Variants in MARK2 observed in about 807,000 individuals in gnomAD.
The protein encoded by MARK2 is serine/threonine-protein kinase MARK2.
MARK2 carries 16 observed loss-of-function variants against 89.8 expected under a neutral mutation model. That is an observed-to-expected ratio of 0.18 (90% CI 0.12 to 0.27). The LOEUF is 0.27. MARK2 is among the 10% of genes least tolerant of loss of function. MARK2 has a pLI of 1.00. For synonymous variants in MARK2, 382 were observed against 399.5 expected, an observed-to-expected ratio of 0.96 and a Z score of 0.52; for missense variants, 621 against 1,049.9, an observed-to-expected ratio of 0.59 and a Z score of 5.65.
chr11:63,886,554 G>C (rs935253252), intron 1 of MARK2, among the ~76,000 whole-genome samples: 1 of 152,142 alleles, frequency 6.6e-6, no homozygotes, highest in South Asian at 2.1e-4. Flanking sequence ...CCTCCGAGTA[G>C]CTGGGATTAC....
chr11:63,876,686 T>G (rs1223608537), intron 1 of MARK2, among the ~76,000 whole-genome samples: 1 of 148,696 alleles, frequency 6.7e-6, no homozygotes, highest in East Asian at 2.1e-4. Flanking sequence ...ATTTGTTGGG[T>G]AGGAGCTGTA....
rs1249094624 is a variant in MARK2, at chr11:63,906,067, TTTTTTTGTTTG to T, written c.1935-14_1935-4del. On this transcript the variant is annotated splice_polypyrimidine_tract_variant and intron_variant, in intron 16 of 18. Coordinates refer to ENST00000402010, the MANE Select transcript of MARK2 (RefSeq NM_001039469.3). ...TTTTATTTCTTTTTTTATTTTGTCT[TTTTTTTGTTTG>T]TTTTTTTAGAAATCTGTCTTTCAGG... The T allele has an allele frequency of 7.4e-7, 1 of 1,356,946 alleles. No homozygotes were observed. The highest frequency in any genetic ancestry group is 1.5e-5 in the African/African-American group (1 of 66,890). 84.1% of individuals were successfully genotyped at this position (1,356,946 alleles called of 1,614,324 possible). A position where few individuals can be genotyped will look rare whatever the true frequency, so the allele number is the denominator to read the frequency against.
intron 1 of MARK2, among the ~76,000 whole-genome samples, chr11:63,862,330 A>G (rs1013596603): frequency 6.6e-6 from 1 of 152,238 alleles, no homozygotes; most frequent in Non-Finnish European, 1.5e-5. Flanking sequence ...CAGGTGGTCC[A>G]GAGTATGTCA....
chr11:63,890,949 C>G (rs1355409312), intron 1 of MARK2, among the ~76,000 whole-genome samples: 1 of 152,194 alleles, frequency 6.6e-6, no homozygotes, highest in Non-Finnish European at 1.5e-5. Flanking sequence ...GCACAGATGT[C>G]TGGCAGTATT....
In MARK2 at chr11:63,902,993, TG is replaced by T; in HGVS notation, c.1417-62del. ...GGACAGGAAGCCTGTTCCATGAACCTGGGGGGAGAACCTGGCTGTAGACCAC... is the reference window on the plus strand; with the variant it reads ...GGACAGGAAGCCTGTTCCATGAACCTGGGGGAGAACCTGGCTGTAGACCAC... On this transcript the variant is annotated intron_variant, in intron 13 of 18. Coordinates refer to ENST00000402010, the MANE Select transcript of MARK2 (RefSeq NM_001039469.3). This position sits in a 1 kb window ranked among gnomAD's most constrained non-coding sequence, Gnocchi z 4.2. 4 of 1,381,344 alleles carry T rather than the reference TG, an allele frequency of 2.9e-6. No homozygotes were observed. The highest frequency in any genetic ancestry group is 3.1e-6 in the Non-Finnish European group (3 of 970,502). The allele number at this position is 1,381,344 out of a possible 1,614,324, so 85.6% of individuals were successfully genotyped here.
At chr11:63,854,602 A>G (rs146842137) in intron 1 of MARK2, among the ~76,000 whole-genome samples, 172 of 151,910 alleles carry the variant, frequency 1.1e-3, no homozygotes, top group Admixed American at 2.0e-3. Context: ...TCGGAGGCCA[A>G]GGCGAGTGGA....
At chr11:63,889,101 C>A in intron 1 of MARK2, 1 of 578,456 alleles carries the variant, frequency 1.7e-6, no homozygotes, top group Non-Finnish European at 2.9e-6. Context: ...GAAGGGTGTC[C>A]AGATGTGGAA....
intron 1 of MARK2, among the ~76,000 whole-genome samples, chr11:63,846,696 C>T (rs1176203847): frequency 6.7e-6 from 1 of 150,294 alleles, no homozygotes; most frequent in East Asian, 2.0e-4. Context: ...TGCCCTGTCG[C>T]CCAGGCTGGA....
intron 1 of MARK2, among the ~76,000 whole-genome samples, chr11:63,893,342 A>C (rs886203544): frequency 3.7e-4 from 7 of 18,914 alleles, no homozygotes; most frequent in Non-Finnish European, 6.4e-4. Context: ...TTTTAGTGAG[A>C]TACCATAAGT....
At chr11:63,895,056 C>G in intron 1 of MARK2, 103 bp from the exon 2 acceptor site, 1 of 892,928 alleles carries the variant, frequency 1.1e-6, no homozygotes, top group African/African-American at 1.7e-5. Flanking sequence ...CTACCAGCCC[C>G]CTGGAATCTG....
chr11:63,841,241 T>A (rs1245283487), intron 1 of MARK2, among the ~76,000 whole-genome samples: 2 of 152,234 alleles, frequency 1.3e-5, no homozygotes, highest in Non-Finnish European at 2.9e-5. Context: ...ACTGTGTTTT[T>A]CTATTTTGTT....
At chr11:63,893,871 T>A (rs888872345) in intron 1 of MARK2, among the ~76,000 whole-genome samples, 11 of 152,340 alleles carry the variant, frequency 7.2e-5, no homozygotes, top group African/African-American at 2.6e-4. Flanking sequence ...AATGTACACA[T>A]GAAAAATAAA....
In MARK2 at chr11:63,903,326, T is replaced by C. The variant is rs868466148; in HGVS notation, c.1514+168T>C. 2.8e-5 allele frequency: 17 copies of C among 610,624 alleles called. No homozygotes were observed. Among genetic ancestry groups the C allele is most frequent in the Middle Eastern group, 7.7e-4 (2 of 2,596 alleles). The allele number at this position is 610,624 out of a possible 1,614,324, so 37.8% of individuals were successfully genotyped here. A position where few individuals can be genotyped will look rare whatever the true frequency, so the allele number is the denominator to read the frequency against. On this transcript the variant is annotated intron_variant, in intron 14 of 18. Coordinates refer to ENST00000402010, the MANE Select transcript of MARK2 (RefSeq NM_001039469.3). This position sits in a 1 kb window ranked among gnomAD's most constrained non-coding sequence, Gnocchi z 5.1. ...CTTTCCCCTCCCCTATTCCACGCCA[T>C]TGCCTCCTCCCCATCTTCCTCTGAC...
chr11:63,873,759 C>T (rs929218453), intron 1 of MARK2, among the ~76,000 whole-genome samples: 1 of 152,198 alleles, frequency 6.6e-6, no homozygotes, highest in Non-Finnish European at 1.5e-5. Context: ...GATTCTTCTG[C>T]CTCAGCCTCC....
intron 1 of MARK2, among the ~76,000 whole-genome samples, chr11:63,874,733 G>T (rs909181765): frequency 6.6e-6 from 1 of 152,122 alleles, no homozygotes; most frequent in Non-Finnish European, 1.5e-5. Flanking sequence ...GAACTTGTCG[G>T]CCCAGCTCAC....
chr11:63,865,302 G>T (rs577902298), intron 1 of MARK2, among the ~76,000 whole-genome samples: 63 of 150,170 alleles, frequency 4.2e-4, no homozygotes, highest in South Asian at 1.5e-3. Context: ...GCAGTGGTGT[G>T]ATCTCAGCTC....
intron 1 of MARK2, among the ~76,000 whole-genome samples, chr11:63,894,557 G>A (rs1425390062): frequency 6.6e-6 from 1 of 152,134 alleles, no homozygotes; most frequent in Admixed American, 6.5e-5. Flanking sequence ...TTAGCCAGGC[G>A]TGGTGGCGCA....
chr11:63,853,808 G>C (rs779588238), intron 1 of MARK2, among the ~76,000 whole-genome samples: 9 of 152,024 alleles, frequency 5.9e-5, no homozygotes, highest in Non-Finnish European at 1.2e-4. Flanking sequence ...AGAATGTCTT[G>C]AATGAAGGAT....
At chr11:63,855,176 CA>C (rs2135221415) in intron 1 of MARK2, among the ~76,000 whole-genome samples, 1 of 152,096 alleles carries the variant, frequency 6.6e-6, no homozygotes, top group East Asian at 2.0e-4. Context: ...CTGCACAATT[CA>C]GTGAAGAAAT....
Sources: allele counts gnomAD v4.1 joint callset (sites outside exome capture counted in the v4.1 genomes callset), GRCh38; gene constraint gnomAD v4.1.1; non-coding constraint Gnocchi (gnomAD v3.1); transcripts MANE v1.5; gene names NCBI Gene and HGNC (gene_info 2026-07-23, HGNC 2026-07-21).